LRRC37A2: variants seen among roughly 807,000 people sequenced by gnomAD.
The protein encoded by LRRC37A2 is leucine rich repeat containing 37 member A2, also known as leucine-rich repeat-containing protein 37A2.
A neutral mutation model predicts 68.8 loss-of-function variants in LRRC37A2; 9 were observed. The observed-to-expected ratio is 0.13, with a 90% CI of 0.08 to 0.23. The LOEUF is 0.23. Among genes scored for constraint, LRRC37A2 ranks in the 10% least tolerant of loss-of-function variants. LRRC37A2 has a pLI of 1.00. For synonymous variants in LRRC37A2, 63 were observed against 367.6 expected (o/e 0.17, Z 9.48); for missense variants, 168 against 950.4 (o/e 0.18, Z 10.82).
At chr17:46,830,814 C>A in the LRRC37A2 span, 1 of 398,356 alleles carries the variant, frequency 2.5e-6, no homozygotes. Context: ...TTATTCACAC[C>A]CCCTGTTCCA....
chr17:46,736,656 C>T, the LRRC37A2 span, among the ~76,000 whole-genome samples: 3 of 152,166 alleles, frequency 2.0e-5, no homozygotes, highest in Non-Finnish European at 4.4e-5. Flanking sequence ...TTTAACTTAG[C>T]AGTATAACTG....
the LRRC37A2 span, among the ~76,000 whole-genome samples, chr17:46,732,494 T>C: frequency 6.6e-6 from 1 of 152,142 alleles, no homozygotes; most frequent in African/African-American, 2.4e-5. Context: ...ACTAGGATAA[T>C]TTTCTTTGAA....
chr17:47,030,024 T>C, the LRRC37A2 span, among the ~76,000 whole-genome samples: 3 of 150,038 alleles, frequency 2.0e-5, no homozygotes, highest in Non-Finnish European at 4.4e-5. Flanking sequence ...GATGGCACCA[T>C]TGCACTCCAG....
chr17:46,972,838 A>C, the LRRC37A2 span, among the ~76,000 whole-genome samples: 3 of 152,076 alleles, frequency 2.0e-5, no homozygotes, highest in Non-Finnish European at 4.4e-5. Flanking sequence ...GCAGAGCCTG[A>C]GTTGCCTTCA....
At chr17:46,769,945 G>A in the LRRC37A2 span, 1 of 1,613,218 alleles carries the variant, frequency 6.2e-7, no homozygotes, top group South Asian at 1.1e-5. Flanking sequence ...TATGATGCGA[G>A]TCACAGCCGC....
chr17:46,809,457 TC>T, the LRRC37A2 span, among the ~76,000 whole-genome samples: 1 of 152,120 alleles, frequency 6.6e-6, no homozygotes, highest in East Asian at 1.9e-4. Context: ...GTCCTGTTGC[TC>T]CCATCCCCCT....
the LRRC37A2 span, chr17:46,948,696 G>A: frequency 6.6e-6 from 1 of 152,262 alleles, no homozygotes; most frequent in Admixed American, 6.5e-5. Context: ...GAAATCCCAG[G>A]ATCTTACTGC....
chr17:46,676,015 T>C, the LRRC37A2 span, among the ~76,000 whole-genome samples: 1 of 136,106 alleles, frequency 7.3e-6, no homozygotes, highest in African/African-American at 3.0e-5. Context: ...GGTTTCATAA[T>C]GTATGGGTTT....
At chr17:46,520,917 A>G (rs1274169239) in intron 4 of LRRC37A2, among the ~76,000 whole-genome samples, 2 of 79,674 alleles carry the variant, frequency 2.5e-5, no homozygotes, top group East Asian at 4.8e-4. Context: ...ATTAACATTT[A>G]AATATTAAAA....
the LRRC37A2 span, among the ~76,000 whole-genome samples, chr17:46,975,007 T>TTTC: frequency 1.1e-5 from 1 of 90,886 alleles, no homozygotes; most frequent in Admixed American, 1.1e-4. Context: ...TTTTTTTTTT[T>TTTC]TTTTTTATGT....
At chr17:46,703,658 G>C in the LRRC37A2 span, among the ~76,000 whole-genome samples, 1 of 144,774 alleles carries the variant, frequency 6.9e-6, no homozygotes, top group Non-Finnish European at 1.5e-5. Context: ...TCCAGCCTGG[G>C]GGACAGAGTG....
At chr17:46,787,811 C>G in the LRRC37A2 span, among the ~76,000 whole-genome samples, 1 of 152,166 alleles carries the variant, frequency 6.6e-6, no homozygotes, top group Admixed American at 6.6e-5. Context: ...AAAAAATTAA[C>G]CAGGCGTGGT....
At chr17:46,749,003 G>A in the LRRC37A2 span, among the ~76,000 whole-genome samples, 1 of 152,182 alleles carries the variant, frequency 6.6e-6, no homozygotes, top group African/African-American at 2.4e-5. Flanking sequence ...TGTGGTGGGG[G>A]AAGGGGGGTA....
At chr17:46,788,738 T>C in the LRRC37A2 span, among the ~76,000 whole-genome samples, 1 of 147,338 alleles carries the variant, frequency 6.8e-6, no homozygotes, top group East Asian at 2.0e-4. Context: ...GCAGTGGCCC[T>C]GCGAGGACCT....
the LRRC37A2 span, chr17:46,930,809 C>A: frequency 2.8e-6 from 1 of 358,152 alleles, no homozygotes. Context: ...ACAACCTTTG[C>A]ATGTTTATTT....
At chr17:46,784,460 ACACGGTGGGAGGACACTGAGCGT>A in the LRRC37A2 span, among the ~76,000 whole-genome samples, 6 of 152,116 alleles carry the variant, frequency 3.9e-5, no homozygotes, top group Middle Eastern at 0.01. Flanking sequence ...GGCTGTGGGC[ACACGGTGGGAGGACACTGAGCGT>A]CACGGTGGGA....
chr17:46,980,400 CTTCT>C, the LRRC37A2 span, among the ~76,000 whole-genome samples: 402 of 150,536 alleles, frequency 2.7e-3, no homozygotes, highest in African/African-American at 8.5e-3. Flanking sequence ...TCTCTTCTTT[CTTCT>C]TTCTTTCTTT....
the LRRC37A2 span, among the ~76,000 whole-genome samples, chr17:46,743,805 A>G: frequency 2.9e-3 from 444 of 152,282 alleles, 1 homozygote; most frequent in African/African-American, 0.01. Context: ...TTCCTCCTCA[A>G]GAGCCTTCTC....
At chr17:46,969,036 C>T in the LRRC37A2 span, 6 of 152,902 alleles carry the variant, frequency 3.9e-5, no homozygotes, top group African/African-American at 1.4e-4. Context: ...CTGCTGCCTC[C>T]GTACTGAGCT....
Sources: gnomAD v4.1 joint callset for allele counts (sites outside exome capture counted in the v4.1 genomes callset) on GRCh38, gnomAD v4.1.1 for gene constraint, MANE v1.5 for transcripts, NCBI Gene and HGNC (gene_info 2026-07-23, HGNC 2026-07-21) for gene names.